ULK4: variants seen among roughly 807,000 people sequenced by gnomAD.
ULK4 encodes unc-51 like kinase 4, also known as inactive serine/threonine-protein kinase ULK4.
ULK4 carries 133 observed loss-of-function variants against 160.6 expected under a neutral mutation model. The ratio of observed to expected loss-of-function variants is 0.83; its 90% CI spans 0.72 to 0.96. ULK4 has a LOEUF of 0.96. Ranked by LOEUF, ULK4 falls within the 40% of genes least tolerant of loss-of-function variation. ULK4 has a pLI of 0.00. For synonymous variants in ULK4, 534 were observed against 539.8 expected, an observed-to-expected ratio of 0.99 and a Z score of 0.15; for missense variants, 1,580 against 1,499.5, an observed-to-expected ratio of 1.05 and a Z score of -0.89.
chr3:41,918,880 C>A (rs571199172), intron 6 of ULK4, among the ~76,000 whole-genome samples: 1 of 152,084 alleles, frequency 6.6e-6, no homozygotes, highest in Non-Finnish European at 1.5e-5. Context: ...GGATTACAGG[C>A]GTGAGCCACC....
chr3:41,558,041 G>GT (rs2087369043), intron 32 of ULK4, among the ~76,000 whole-genome samples: 1 of 152,108 alleles, frequency 6.6e-6, no homozygotes, highest in Non-Finnish European at 1.5e-5. Context: ...ACATTACTTA[G>GT]AGCAGCTTCT....
chr3:41,550,878 TA>T (rs2087036828), intron 32 of ULK4, among the ~76,000 whole-genome samples: 1 of 152,034 alleles, frequency 6.6e-6, no homozygotes, highest in Non-Finnish European at 1.5e-5. Context: ...TAGACAATGT[TA>T]GGCCACAAAA....
At chr3:41,308,551 T>C (rs976412274) in intron 35 of ULK4, among the ~76,000 whole-genome samples, 7 of 152,052 alleles carry the variant, frequency 4.6e-5, no homozygotes, top group Non-Finnish European at 1.0e-4. Context: ...TCCATTTAAA[T>C]ACAAAAAGTG....
chr3:41,370,231 T>G (rs2125782079), intron 35 of ULK4, among the ~76,000 whole-genome samples: 1 of 152,200 alleles, frequency 6.6e-6, no homozygotes, highest in African/African-American at 2.4e-5. Flanking sequence ...AAAACTTTTG[T>G]GGAACTTAAA....
At chr3:41,507,175 G>A in intron 32 of ULK4, among the ~76,000 whole-genome samples, 1 of 66,790 alleles carries the variant, frequency 1.5e-5, no homozygotes, top group Non-Finnish European at 3.0e-5. Context: ...TAATAACCAG[G>A]AGCAAAAAAA....
At chr3:41,749,418 G>A (rs1375370755) in intron 22 of ULK4, among the ~76,000 whole-genome samples, 1 of 151,142 alleles carries the variant, frequency 6.6e-6, no homozygotes, top group Non-Finnish European at 1.5e-5. Context: ...GGGAGGCAGA[G>A]GCTGCAGTGA....
At chr3:41,941,036 CT>C (rs564613112) in intron 2 of ULK4, among the ~76,000 whole-genome samples, 22,668 of 141,256 alleles carry the variant, frequency 0.16, 1,636 homozygotes, top group Middle Eastern at 0.27. Flanking sequence ...TGTTCTTAAC[CT>C]TTTTTTTTTT....
chr3:41,861,945 C>T (rs2042506652), intron 17 of ULK4, among the ~76,000 whole-genome samples: 3 of 152,158 alleles, frequency 2.0e-5, no homozygotes, highest in Admixed American at 2.0e-4. Flanking sequence ...CCACAGCTTC[C>T]AGAGTACAGG....
At chr3:41,356,907 C>T (rs937266555) in intron 35 of ULK4, among the ~76,000 whole-genome samples, 7 of 152,246 alleles carry the variant, frequency 4.6e-5, no homozygotes, top group African/African-American at 1.7e-4. Flanking sequence ...AAAACACCTG[C>T]TCCCCACACC....
At chr3:41,705,432 C>G in intron 25 of ULK4, 127 bp from the exon 26 acceptor site, 1 of 532,286 alleles carries the variant, frequency 1.9e-6, no homozygotes, top group South Asian at 3.2e-5. Context: ...ATTAAATACT[C>G]TATACATATT....
At chr3:41,454,022 T>A (rs1377299604) in intron 34 of ULK4, among the ~76,000 whole-genome samples, 1 of 84,652 alleles carries the variant, frequency 1.2e-5, no homozygotes. Context: ...CACTGGGGCC[T>A]GTCATGGGGT....
chr3:41,538,181 T>C (rs2125948963), intron 32 of ULK4, among the ~76,000 whole-genome samples: 1 of 152,304 alleles, frequency 6.6e-6, no homozygotes, highest in Middle Eastern at 3.4e-3. Context: ...ATCAGTCATA[T>C]AATGACTTTG....
chr3:41,494,674 G>T (rs2125910833), intron 32 of ULK4, among the ~76,000 whole-genome samples: 1 of 152,260 alleles, frequency 6.6e-6, no homozygotes, highest in East Asian at 1.9e-4. Context: ...TGTGTATCTA[G>T]AAAACCCCAC....
intron 35 of ULK4, among the ~76,000 whole-genome samples, chr3:41,297,606 C>T (rs1374804145): frequency 6.6e-6 from 1 of 152,154 alleles, no homozygotes; most frequent in Non-Finnish European, 1.5e-5. Context: ...AATCAGTGTC[C>T]TTTGGGAGTT....
intron 32 of ULK4, among the ~76,000 whole-genome samples, chr3:41,481,091 T>G (rs983205793): frequency 3.3e-5 from 5 of 152,182 alleles, no homozygotes; most frequent in African/African-American, 1.2e-4. Flanking sequence ...ATGTTATCAG[T>G]AAGGCTTCCA....
chr3:41,831,419 T>A (rs940911203), intron 18 of ULK4, among the ~76,000 whole-genome samples: 5 of 67,488 alleles, frequency 7.4e-5, no homozygotes, highest in South Asian at 6.5e-4. Flanking sequence ...ATACTAGTCG[T>A]TTTTTTTTTT....
intron 35 of ULK4, among the ~76,000 whole-genome samples, chr3:41,377,227 G>A (rs868341363): frequency 8.5e-5 from 13 of 152,274 alleles, no homozygotes; most frequent in African/African-American, 2.2e-4. Flanking sequence ...ATCAATTCAA[G>A]ATGGATTAAA....
intron 32 of ULK4, among the ~76,000 whole-genome samples, chr3:41,490,724 T>C (rs2084724682): frequency 6.6e-6 from 1 of 152,214 alleles, no homozygotes; most frequent in Non-Finnish European, 1.5e-5. Context: ...TTTTCTACAA[T>C]GTCTACCATG....
intron 35 of ULK4, among the ~76,000 whole-genome samples, chr3:41,324,948 C>A (rs1260034318): frequency 6.6e-6 from 1 of 152,076 alleles, no homozygotes; most frequent in East Asian, 1.9e-4. Flanking sequence ...ATAGGCACCA[C>A]GAGAGTAAAA....
Sources: allele counts gnomAD v4.1 joint callset (sites outside exome capture counted in the v4.1 genomes callset), GRCh38; gene constraint gnomAD v4.1.1; transcripts MANE v1.5; gene names NCBI Gene and HGNC (gene_info 2026-07-23, HGNC 2026-07-21).